Variants in PKNOX1 observed in about 807,000 individuals in gnomAD.
PKNOX1 encodes PBX/knotted 1 homeobox 1.
In PKNOX1, 15 loss-of-function variants were observed where a neutral mutation model predicts 51.9. That is an observed-to-expected ratio of 0.29 (90% CI 0.19 to 0.45). The LOEUF is 0.45. Among genes scored for constraint, PKNOX1 ranks in the 20% least tolerant of loss-of-function variants. The pLI is 1.00. For missense variants in PKNOX1, 462 were observed against 547.5 expected (o/e 0.84, Z 1.56); for synonymous variants, 219 against 211.1 (o/e 1.04, Z -0.32).
chr21:43,019,257 G>A (rs1043563280), intron 7 of PKNOX1, among the ~76,000 whole-genome samples: 2 of 148,628 alleles, frequency 1.3e-5, no homozygotes, highest in Non-Finnish European at 3.0e-5. Context: ...GCTGGATGTC[G>A]GGTGCATGTC....
In PKNOX1 at chr21:43,028,844, C is replaced by A. The variant is rs376386330; in HGVS notation, c.1069C>A (p.Pro357Thr). The change falls in exon 10 of 11, where the codon CCA becomes ACA. Residue 357 changes from proline to threonine, a missense_variant. Transcript: ENST00000291547. The part of the protein sequence containing the change: ...PDSIASGVAQ[P>T]PPSELTMSEG... Reference sequence around the variant, plus strand: ...TTCTATTGCATCAGGAGTCGCACAGCCACCGCCGAGCGAGCTCACCATGTC... The same window carrying A: ...TTCTATTGCATCAGGAGTCGCACAGACACCGCCGAGCGAGCTCACCATGTC... 38 of 1,614,036 alleles carry A rather than the reference C, an allele frequency of 2.4e-5. No homozygotes were observed. The Middle Eastern group carries it at 6.6e-4, about 28-fold the overall frequency.
intron 3 of PKNOX1, among the ~76,000 whole-genome samples, chr21:43,009,766 A>G (rs900602246): frequency 2.6e-5 from 4 of 152,158 alleles, no homozygotes; most frequent in Admixed American, 2.6e-4. Context: ...AAATATATAG[A>G]GATAGCAAGT....
At chr21:42,975,249 G>T (rs561385395) in intron 1 of PKNOX1, among the ~76,000 whole-genome samples, 1 of 150,074 alleles carries the variant, frequency 6.7e-6, no homozygotes, top group South Asian at 2.1e-4. Context: ...CCGCGACCCC[G>T]GCCCCGGCCT....
At chr21:43,028,943 T>TC in intron 10 of PKNOX1, 69 bp downstream of exon 10, 8 of 1,465,646 alleles carry the variant, frequency 5.5e-6, no homozygotes, top group South Asian at 1.1e-5. Flanking sequence ...GAGGCCTGGA[T>TC]CAGGCCTGTT....
intron 1 of PKNOX1, among the ~76,000 whole-genome samples, chr21:42,994,445 A>T (rs1568892205): frequency 6.8e-6 from 1 of 146,192 alleles, no homozygotes. Flanking sequence ...CCAAAATGCT[A>T]GTATTACAGG....
intron 1 of PKNOX1, among the ~76,000 whole-genome samples, chr21:42,987,573 A>G (rs1399628162): frequency 6.7e-6 from 1 of 150,230 alleles, no homozygotes; most frequent in East Asian, 1.9e-4. Flanking sequence ...GCCAGATCCC[A>G]CTGACCTTTT....
chr21:42,996,470 G>A (rs938365971), intron 1 of PKNOX1, among the ~76,000 whole-genome samples: 2 of 152,170 alleles, frequency 1.3e-5, no homozygotes, highest in African/African-American at 4.8e-5. Flanking sequence ...ATTGGCGCCA[G>A]CTTTCCAGAT....
chr21:42,981,459 A>G (rs428432), intron 1 of PKNOX1, among the ~76,000 whole-genome samples: 130,506 of 152,334 alleles, frequency 0.86, 55,983 homozygotes, highest in African/African-American at 0.88. Flanking sequence ...GGCATGTGGT[A>G]TAAAACTCCT....
intron 9 of PKNOX1, among the ~76,000 whole-genome samples, chr21:43,027,076 A>T (rs1019049426): frequency 6.6e-6 from 1 of 152,196 alleles, no homozygotes; most frequent in Non-Finnish European, 1.5e-5. Flanking sequence ...TGAGTCTAAA[A>T]GTAATGCTTT....
intron 1 of PKNOX1, among the ~76,000 whole-genome samples, chr21:42,977,581 CT>C (rs2059004083): frequency 1.2e-5 from 1 of 81,982 alleles, no homozygotes; most frequent in South Asian, 4.0e-4. Context: ...GATTTTCACT[CT>C]TGTTGCCCAA....
chr21:43,005,835 A>G (rs959337872), intron 2 of PKNOX1, among the ~76,000 whole-genome samples: 6 of 152,042 alleles, frequency 3.9e-5, no homozygotes, highest in Non-Finnish European at 8.8e-5. Flanking sequence ...ACCACCTCCA[A>G]CACAGCCTGG....
chr21:42,993,429 C>T (rs2059099495), intron 1 of PKNOX1, among the ~76,000 whole-genome samples: 1 of 152,112 alleles, frequency 6.6e-6, no homozygotes, highest in South Asian at 2.1e-4. Flanking sequence ...GCGAGACTGG[C>T]CCCACTCCTG....
intron 2 of PKNOX1, among the ~76,000 whole-genome samples, chr21:43,006,848 G>C (rs1266747722): frequency 2.0e-5 from 3 of 152,220 alleles, no homozygotes; most frequent in African/African-American, 7.2e-5. Flanking sequence ...TGGATAACTA[G>C]AAGTTTACTT....
chr21:42,981,613 G>A (rs917795347), intron 1 of PKNOX1, among the ~76,000 whole-genome samples: 1 of 152,130 alleles, frequency 6.6e-6, no homozygotes, highest in African/African-American at 2.4e-5. Flanking sequence ...AGGCTGGAGT[G>A]CAGTGGCACG....
intron 8 of PKNOX1, among the ~76,000 whole-genome samples, chr21:43,022,489 G>A (rs1055427065): frequency 6.6e-6 from 1 of 152,194 alleles, no homozygotes; most frequent in Admixed American, 6.5e-5. Context: ...GTCCTGGGAG[G>A]AGAAGGGCCC....
intron 1 of PKNOX1, among the ~76,000 whole-genome samples, chr21:42,987,914 G>A (rs867040076): frequency 4.6e-5 from 7 of 151,736 alleles, no homozygotes; most frequent in African/African-American, 9.7e-5. Flanking sequence ...CACCGCACCC[G>A]GCCTCTACAT....
In PKNOX1 at chr21:43,009,718, T is replaced by A. The variant is rs575758275; in HGVS notation, c.180-335T>A. ...CAAGCCAGACACCACGGTCACAGGT[T>A]AGACGGTTCCCATTTAGACAGAATG... is the stretch of plus-strand genomic sequence containing the variant. On this transcript the variant is annotated intron_variant, in intron 3 of 10. Transcript: ENST00000291547. Among the ~76,000 whole-genome samples the A allele has an allele frequency of 6.6e-5, 10 of 152,078 alleles. No individual in the cohort carries two copies. The South Asian group carries it at 2.1e-3, about 32-fold the overall frequency.
intron 5 of PKNOX1, among the ~76,000 whole-genome samples, chr21:43,015,568 G>A (rs1318172841): frequency 6.6e-6 from 1 of 152,100 alleles, no homozygotes; most frequent in African/African-American, 2.4e-5. Flanking sequence ...TTTGGTTTTG[G>A]TATCAAAATA....
chr21:42,986,958 C>T (rs34209438), intron 1 of PKNOX1, among the ~76,000 whole-genome samples: 5,787 of 152,160 alleles, frequency 0.038, 139 homozygotes, highest in Middle Eastern at 0.061. Context: ...CTCTGCTAGG[C>T]GCGGCACCTG....
Sources: gnomAD v4.1 joint callset for allele counts (sites outside exome capture counted in the v4.1 genomes callset) on GRCh38, gnomAD v4.1.1 for gene constraint, MANE v1.5 for transcripts, NCBI Gene and HGNC (gene_info 2026-07-23, HGNC 2026-07-21) for gene names.